The following CHRM3 variants were observed in gnomAD, a reference collection of about 807,000 sequenced individuals.
The protein encoded by CHRM3 is cholinergic receptor muscarinic 3.
A neutral mutation model predicts 41.8 loss-of-function variants in CHRM3; 11 were observed. That is an observed-to-expected ratio of 0.26 (90% CI 0.17 to 0.44). CHRM3 has a LOEUF of 0.44. Among genes scored for constraint, CHRM3 ranks in the 20% least tolerant of loss-of-function variants. CHRM3 has a pLI of 1.00. For synonymous variants in CHRM3, 297 were observed against 301.4 expected (o/e 0.99, Z 0.15); for missense variants, 571 against 745.4 (o/e 0.77, Z 2.72).
intron 1 of CHRM3, among the ~76,000 whole-genome samples, chr1:239,402,725 C>T (rs998877320): frequency 1.3e-5 from 2 of 152,176 alleles, no homozygotes; most frequent in African/African-American, 4.8e-5. Flanking sequence ...CGGGTATTGG[C>T]TCCAGGACCT....
chr1:239,822,139 A>T (rs1395856689), intron 5 of CHRM3, among the ~76,000 whole-genome samples: 1 of 152,234 alleles, frequency 6.6e-6, no homozygotes, highest in East Asian at 1.9e-4. Flanking sequence ...AGAAGCTAAT[A>T]GATGAGCATT....
At chr1:239,806,612 G>A (rs992348352) in intron 5 of CHRM3, among the ~76,000 whole-genome samples, 1 of 152,212 alleles carries the variant, frequency 6.6e-6, no homozygotes, top group Non-Finnish European at 1.5e-5. Context: ...GGAGTGTGGG[G>A]ATGAGCCATA....
intron 3 of CHRM3, among the ~76,000 whole-genome samples, chr1:239,603,916 C>A (rs1665919828): frequency 6.6e-6 from 1 of 152,006 alleles, no homozygotes; most frequent in African/African-American, 2.4e-5. Context: ...AAATTATGGT[C>A]CAAGTTCTAT....
rs191906225 is a variant in CHRM3, at chr1:239,556,976, T to A, written c.-313+11227T>A. 1.1e-4 allele frequency among the ~76,000 whole-genome samples: 16 copies of A among 152,240 alleles called. 1 individual carries two copies. In the East Asian group the frequency reaches 2.9e-3, roughly 28 times the overall value. On this transcript the variant is annotated intron_variant, in intron 3 of 6. Transcript: ENST00000676153. ...ACAAGCTTAGAATAAATAAATAAAA[T>A]TTTTTTAAAAATTTTAAATAGTAAC...
intron 3 of CHRM3, among the ~76,000 whole-genome samples, chr1:239,602,742 A>C (rs1665756846): frequency 6.6e-6 from 1 of 152,174 alleles, no homozygotes; most frequent in African/African-American, 2.4e-5. Flanking sequence ...TTGCTTTTTC[A>C]AATTTATATT....
At position 239,387,250 on chromosome 1, in the gene CHRM3, A is replaced by C. The variant is rs1342120870; in HGVS notation, c.-521+23A>C. 1 of 151,600 alleles carries C rather than the reference A, an allele frequency of 6.6e-6. No homozygotes were observed. Among genetic ancestry groups the C allele is most frequent in the Non-Finnish European group, 1.5e-5 (1 of 67,960 alleles). The allele number at this position is 151,600 out of a possible 1,614,324, so 9.4% of individuals were successfully genotyped here. A position where few individuals can be genotyped will look rare whatever the true frequency, so the allele number is the denominator to read the frequency against. ...CAGGTAGGGACGGCGCCCGCCACCC[A>C]GGCGCTGGGCAGAGCGGGTGGCGGT... On this transcript the variant is annotated intron_variant, in intron 1 of 6. Transcript: ENST00000676153. The surrounding 1 kb of genome is among the most constrained non-coding windows in gnomAD (Gnocchi z 5.1).
chr1:239,808,671 G>A (rs879802169), intron 5 of CHRM3, among the ~76,000 whole-genome samples: 8 of 152,182 alleles, frequency 5.3e-5, no homozygotes, highest in Non-Finnish European at 1.0e-4. Context: ...AAGGAAATGC[G>A]AGTGAACCAC....
chr1:239,739,848 G>A lies in CHRM3; in HGVS notation c.-147+61560G>A, dbSNP rs139328393. Among the ~76,000 whole-genome samples the A allele has an allele frequency of 2.3e-3, 356 of 152,288 alleles. 3 individuals carry two copies. Among genetic ancestry groups the A allele is most frequent in the Non-Finnish European group, 4.0e-3 (274 of 68,028 alleles). ...GGATTGTTCTTGCACTCTGCTGGCT[G>A]ATGGGCCCTTCACATCTGGAGGCCA... On this transcript the variant is annotated intron_variant, in intron 5 of 6. Coordinates refer to ENST00000676153, the MANE Select transcript of CHRM3 (RefSeq NM_001375978.1).
In CHRM3 at chr1:239,859,427, T is replaced by TG. The variant is rs766846786; in HGVS notation, c.-20+32049_-20+32050insG. On this transcript the variant is annotated intron_variant, in intron 6 of 6. Transcript: ENST00000676153. ...TTGTTGTTGTTGTTGTTGTTTTTTT[T>TG]TTTTGTTTTTTTTTTTGAGGTGGAG... Among the ~76,000 whole-genome samples, 127 of 145,702 alleles carry TG rather than the reference T, an allele frequency of 8.7e-4. 2 individuals are homozygous for TG. The highest frequency in any genetic ancestry group is 1.5e-3 in the Non-Finnish European group (98 of 66,590).
chr1:239,594,245 T>C (rs971463992), intron 3 of CHRM3, among the ~76,000 whole-genome samples: 1 of 152,200 alleles, frequency 6.6e-6, no homozygotes, highest in Non-Finnish European at 1.5e-5. Flanking sequence ...ATAAGCACGA[T>C]TGTACTACTT....
intron 5 of CHRM3, among the ~76,000 whole-genome samples, chr1:239,804,079 C>T (rs1670429018): frequency 6.6e-6 from 1 of 152,192 alleles, no homozygotes; most frequent in South Asian, 2.1e-4. Context: ...AGAGAGGCAG[C>T]ATGTCCCTTC....
intron 3 of CHRM3, among the ~76,000 whole-genome samples, chr1:239,604,799 G>A (rs1472781777): frequency 1.3e-5 from 2 of 152,146 alleles, no homozygotes; most frequent in Admixed American, 6.6e-5. Context: ...GTGGTACAAT[G>A]GGGGAAAGAA....
chr1:239,829,250 A>G (rs1215975561), intron 6 of CHRM3, among the ~76,000 whole-genome samples: 2 of 152,044 alleles, frequency 1.3e-5, no homozygotes, highest in Non-Finnish European at 2.9e-5. Flanking sequence ...GGTTTCCTCA[A>G]TTATAAAGTA....
chr1:239,771,292 G>A (rs938071293), intron 5 of CHRM3, among the ~76,000 whole-genome samples: 2 of 151,834 alleles, frequency 1.3e-5, no homozygotes, highest in East Asian at 1.9e-4. Flanking sequence ...GCCTCCTTCC[G>A]TTTGCACCTT....
chr1:239,611,532 C>T (rs111783625), intron 3 of CHRM3, among the ~76,000 whole-genome samples: 3 of 151,146 alleles, frequency 2.0e-5, no homozygotes, highest in Non-Finnish European at 4.4e-5. Context: ...GGGATTCTCC[C>T]GCCTCCACCT....
At chr1:239,663,002 CT>C (rs1280784314) in intron 4 of CHRM3, among the ~76,000 whole-genome samples, 1 of 150,866 alleles carries the variant, frequency 6.6e-6, no homozygotes, top group Non-Finnish European at 1.5e-5. Context: ...CCTTCTCCTT[CT>C]TCTTTCTCTT....
intron 5 of CHRM3, among the ~76,000 whole-genome samples, chr1:239,824,337 C>T (rs1036129954): frequency 3.3e-5 from 5 of 152,118 alleles, no homozygotes; most frequent in African/African-American, 9.7e-5. Flanking sequence ...TGCCTTCAAT[C>T]GAGGTGTTTC....
chr1:239,611,326 G>A lies in CHRM3; in HGVS notation c.-312-20898G>A, dbSNP rs1186589692. On this transcript the variant is annotated intron_variant, in intron 3 of 6. Transcript: ENST00000676153. ...CATTAAATGTGATACACTCTGATAT[G>A]CTCATTTTTATAGCATGACTTTCAA... 2.0e-5 allele frequency among the ~76,000 whole-genome samples: 3 copies of A among 151,304 alleles called. No homozygotes were observed. The South Asian group carries it at 6.3e-4, about 32-fold the overall frequency.
At chr1:239,875,446 T>G (rs939199943) in intron 6 of CHRM3, among the ~76,000 whole-genome samples, 2 of 152,220 alleles carry the variant, frequency 1.3e-5, no homozygotes, top group East Asian at 1.9e-4. Context: ...AAATTTGAAT[T>G]TTATGTGCTT....
Sources: allele counts gnomAD v4.1 joint callset (sites outside exome capture counted in the v4.1 genomes callset), GRCh38; gene constraint gnomAD v4.1.1; non-coding constraint Gnocchi (gnomAD v3.1); transcripts MANE v1.5; gene names NCBI Gene and HGNC (gene_info 2026-07-23, HGNC 2026-07-21).